Variants in CRYBG2 observed in about 807,000 individuals in gnomAD.
The protein encoded by CRYBG2 is beta/gamma crystallin domain-containing protein 2.
Under a neutral mutation model 153.4 loss-of-function variants are expected in CRYBG2, and 106 were observed. That is an observed-to-expected ratio of 0.69 (90% confidence interval 0.59 to 0.81). The LOEUF (loss-of-function observed/expected upper bound fraction) is 0.81, where lower values mean the gene tolerates loss of function less well. CRYBG2 is among the 30% of genes least tolerant of loss of function. CRYBG2 has a pLI of 0.00. For synonymous variants in CRYBG2, 851 were observed against 877.8 expected (o/e 0.97, Z 0.54); for missense variants, 1,996 against 2,112.0 (o/e 0.95, Z 1.08).
Position 26,328,320 on chromosome 1 carries a change from A to G in CRYBG2, c.4467T>C (p.Cys1489=), listed in dbSNP as rs1442182050. ...GGCGGCCCCGGAAGTCACTGTGTTC[A>G]CATAGCACCCAACTGGGCCCAGCAG... is the stretch of plus-strand genomic sequence containing the variant. ...VRIKGGIWVL[C]EHSDFRGRQW... is the part of the protein sequence containing the mutation. The change falls in exon 17 of 20, where the codon TGT becomes TGC. Residue 1489 remains cysteine (C), a synonymous_variant. Transcript: ENST00000308182. 2 of 1,571,424 alleles carry G rather than the reference A, an allele frequency of 1.3e-6. No homozygotes were observed. The highest frequency in any genetic ancestry group is 2.3e-5 in the South Asian group (2 of 85,876).
At position 26,337,258 on chromosome 1, in the gene CRYBG2, G is replaced by A. The variant is rs146453215; in HGVS notation, c.3766C>T (p.Arg1256Trp). 1.3e-3 allele frequency: 2,077 copies of A among 1,614,010 alleles called. 11 individuals are homozygous for A. Among genetic ancestry groups the A allele is most frequent in the Non-Finnish European group, 8.8e-4 (1,037 of 1,179,946 alleles). The change falls in exon 10 of 20, where the codon CGG becomes TGG. Residue 1256 changes from arginine to tryptophan, a missense_variant. Arg to Trp is a moderately radical substitution (Grantham distance 101, BLOSUM62 -3). Coordinates refer to ENST00000308182, the MANE Select transcript of CRYBG2 (RefSeq NM_001039775.4). ...DELLTSLRVIRTDFGDPAVVL... is the reference protein window; with the variant it reads ...DELLTSLRVIWTDFGDPAVVL... The stretch of plus-strand genomic sequence containing the variant: ...GGCCAATTGCCTTTGCTTACCGTCC[G>A]GATGACCCGGAGGGAGGTCAGCAAC...
chr1:26,353,523 T>C (rs2074307626), intron 1 of CRYBG2, among the ~76,000 whole-genome samples: 1 of 152,210 alleles, frequency 6.6e-6, no homozygotes, highest in Non-Finnish European at 1.5e-5. Flanking sequence ...ATTATTGCTG[T>C]CACTGAGACG....
chr1:26,331,724 TGTCCCAGGG>T lies in CRYBG2; in HGVS notation c.4185-115_4185-107del. 6.8e-6 allele frequency: 10 copies of T among 1,466,444 alleles called. No individual in the cohort carries two copies. The South Asian group carries it at 1.2e-4, about 18-fold the overall frequency. 90.8% of individuals were successfully genotyped at this position (1,466,444 alleles called of 1,614,324 possible). On this transcript the variant is annotated intron_variant, in intron 14 of 19. Transcript: ENST00000308182. ...GAATGCAGACTTGATCATGATCCCCTGTCCCAGGGGAGGTGGGATGAACAGGCACTACAG... is the reference window on the plus strand; with the variant it reads ...GAATGCAGACTTGATCATGATCCCCTGAGGTGGGATGAACAGGCACTACAG...
intron 1 of CRYBG2, among the ~76,000 whole-genome samples, chr1:26,353,699 G>A (rs868631261): frequency 2.6e-5 from 4 of 152,162 alleles, no homozygotes; most frequent in Admixed American, 1.3e-4. Flanking sequence ...CACCTAGGCT[G>A]GGTGCCAATT....
chr1:26,347,852 C>G (rs1017198249), intron 1 of CRYBG2, among the ~76,000 whole-genome samples: 1 of 152,174 alleles, frequency 6.6e-6, no homozygotes, highest in Non-Finnish European at 1.5e-5. Flanking sequence ...TCTCGAACTC[C>G]TGGGCTGAAG....
chr1:26,328,621 G>C, intron 16 of CRYBG2, 113 bp downstream of exon 16: 1 of 1,438,320 alleles, frequency 7.0e-7, no homozygotes, highest in Non-Finnish European at 9.3e-7. Context: ...GCTTGGAGGG[G>C]AGTGGGGGAA....
At chr1:26,328,955 T>A in intron 15 of CRYBG2, 82 bp from the exon 16 acceptor site, 1 of 1,553,106 alleles carries the variant, frequency 6.4e-7, no homozygotes. Flanking sequence ...ACACCCTGAC[T>A]CCCAGATCTG....
chr1:26,333,044 A>AAAAAAAAAAAAAAAAAAAAC (rs1557707001), intron 14 of CRYBG2, among the ~76,000 whole-genome samples: 1 of 138,166 alleles, frequency 7.2e-6, no homozygotes, highest in Non-Finnish European at 1.5e-5. Context: ...AAAAAAAAAA[A>AAAAAAAAAAAAAAAAAAAAC]AAGATTTCTA....
rs2074158415 is a variant in CRYBG2 at position 26,343,442 on chromosome 1, A to G, written c.2914-149T>C. On this transcript the variant is annotated intron_variant, in intron 2 of 19. Transcript: ENST00000308182. The surrounding 1 kb of genome is among the most constrained non-coding windows in gnomAD (Gnocchi z 4.1). ...TAGAGGATGCTCACACTTGTTCCCA[A>G]CCCCCAAGGGCCTCATCACCCTGTC... 9 of 1,025,898 alleles carry G rather than the reference A, an allele frequency of 8.8e-6. No individual in the cohort carries two copies. The highest frequency in any genetic ancestry group is 1.3e-5 in the Non-Finnish European group (9 of 687,294). 63.5% of individuals were successfully genotyped at this position (1,025,898 alleles called of 1,614,324 possible).
chr1:26,332,156 G>A (rs1246204589), intron 14 of CRYBG2, among the ~76,000 whole-genome samples: 3 of 151,660 alleles, frequency 2.0e-5, no homozygotes, highest in African/African-American at 7.3e-5. Context: ...AAATACAAAA[G>A]ATTAGCCAGG....
chr1:26,325,741 C>T lies in CRYBG2; in HGVS notation c.4579-1431G>A, dbSNP rs936054527. ...CATGCACACACACATACACACAGAG[C>T]CCATGGCCTTACCATTTATCTGCAC... On this transcript the variant is annotated intron_variant, in intron 17 of 19. Transcript: ENST00000308182. This position sits in a 1 kb window ranked among gnomAD's most constrained non-coding sequence, Gnocchi z 4.1. Among the ~76,000 whole-genome samples the T allele has an allele frequency of 5.3e-5, 8 of 152,020 alleles. No individual in the cohort carries two copies. The highest frequency in any genetic ancestry group is 1.5e-5 in the Non-Finnish European group (1 of 68,000).
intron 1 of CRYBG2, among the ~76,000 whole-genome samples, chr1:26,350,759 G>A (rs2074277385): frequency 6.6e-6 from 1 of 151,932 alleles, no homozygotes; most frequent in South Asian, 2.1e-4. Context: ...CTATTCTTAG[G>A]CCCCACGAAC....
At chr1:26,353,518 T>C (rs574696321) in intron 1 of CRYBG2, among the ~76,000 whole-genome samples, 1 of 152,334 alleles carries the variant, frequency 6.6e-6, no homozygotes, top group East Asian at 1.9e-4. Context: ...GGGTAATTAT[T>C]GCTGTCACTG....
Position 26,336,572 on chromosome 1 carries a change from C to G in CRYBG2, c.4038+34G>C, listed in dbSNP as rs71640320. On this transcript the variant is annotated intron_variant, in intron 12 of 19. Coordinates refer to ENST00000308182, the MANE Select transcript of CRYBG2 (RefSeq NM_001039775.4). This position sits in a 1 kb window ranked among gnomAD's most constrained non-coding sequence, Gnocchi z 4.9. ...GCACCCGAACTCCAGGTCCCGCCAC[C>G]GGGGAGGCCCCGCCCCCCGCGGCCG... The G allele has an allele frequency of 6.5e-7, 1 of 1,542,150 alleles. No homozygotes were observed. Among genetic ancestry groups the G allele is most frequent in the Non-Finnish European group, 8.7e-7 (1 of 1,143,452 alleles).
intron 1 of CRYBG2, among the ~76,000 whole-genome samples, chr1:26,351,887 C>A (rs530975006): frequency 6.6e-6 from 1 of 152,068 alleles, no homozygotes; most frequent in Non-Finnish European, 1.5e-5. Flanking sequence ...TGAAGACATA[C>A]CCCAATACAA....
chr1:26,343,632 A>T lies in CRYBG2; in HGVS notation c.2913+113T>A. ...ACAGGTCAACTGAACCAGACTTCAG[A>T]CAGAAGCCTCTGCCCCCAGACTCTG... On this transcript the variant is annotated intron_variant, in intron 2 of 19. Coordinates refer to ENST00000308182, the MANE Select transcript of CRYBG2 (RefSeq NM_001039775.4). This position sits in a 1 kb window ranked among gnomAD's most constrained non-coding sequence, Gnocchi z 4.1. 1 of 1,320,044 alleles carries T rather than the reference A, an allele frequency of 7.6e-7. No homozygotes were observed. Among genetic ancestry groups the T allele is most frequent in the South Asian group, 1.7e-5 (1 of 59,964 alleles). 81.8% of individuals were successfully genotyped at this position (1,320,044 alleles called of 1,614,324 possible).
intron 14 of CRYBG2, among the ~76,000 whole-genome samples, chr1:26,335,364 T>C (rs1036413688): frequency 2.0e-5 from 3 of 152,134 alleles, no homozygotes; most frequent in African/African-American, 4.8e-5. Context: ...TAATCCCAGC[T>C]ACTTGGGAAG....
At chr1:26,349,126 G>A (rs1222846328) in intron 1 of CRYBG2, among the ~76,000 whole-genome samples, 3 of 151,878 alleles carry the variant, frequency 2.0e-5, no homozygotes, top group Non-Finnish European at 2.9e-5. Flanking sequence ...CTGAGATCAC[G>A]CCTCTGCACT....
At chr1:26,337,782 C>T (rs1557710906) in intron 8 of CRYBG2, 108 bp from the exon 9 acceptor site, 1 of 1,456,296 alleles carries the variant, frequency 6.9e-7, no homozygotes, top group Non-Finnish European at 9.2e-7. Context: ...AGCCCTCCCA[C>T]CTCCTTGCTG....
Sources: allele counts gnomAD v4.1 joint callset (sites outside exome capture counted in the v4.1 genomes callset), GRCh38; gene constraint gnomAD v4.1.1; non-coding constraint Gnocchi (gnomAD v3.1); transcripts MANE v1.5; gene names NCBI Gene and HGNC (gene_info 2026-07-23, HGNC 2026-07-21).